The following SHB variants were observed in gnomAD, a reference collection of about 807,000 sequenced individuals.
The protein encoded by SHB is SH2 domain containing adaptor protein B.
Under a neutral mutation model 52.3 loss-of-function variants are expected in SHB, and 20 were observed. The observed-to-expected ratio is 0.38, with a 90% CI of 0.27 to 0.56. The LOEUF (loss-of-function observed/expected upper bound fraction) is 0.56. Ranked by LOEUF, SHB falls within the 20% of genes least tolerant of loss-of-function variation. SHB has a pLI of 0.71. For synonymous variants in SHB, 397 were observed against 316.5 expected (o/e 1.25, Z -2.70); for missense variants, 825 against 723.3 (o/e 1.14, Z -1.61).
At chr9:38,043,675 A>G (rs535153711) in intron 1 of SHB, among the ~76,000 whole-genome samples, 1 of 152,242 alleles carries the variant, frequency 6.6e-6, no homozygotes, top group African/African-American at 2.4e-5. Context: ...GGATCACCTG[A>G]GGTCGGGAGT....
At chr9:38,063,104 G>C (rs1821916264) in intron 1 of SHB, among the ~76,000 whole-genome samples, 2 of 152,218 alleles carry the variant, frequency 1.3e-5, no homozygotes, top group South Asian at 4.1e-4. Context: ...TTGATACGCA[G>C]CATTTCTCTC....
chr9:38,059,116 C>CTGAATGAA (rs530537069), intron 1 of SHB, among the ~76,000 whole-genome samples: 1 of 152,258 alleles, frequency 6.6e-6, no homozygotes, highest in East Asian at 1.9e-4. Flanking sequence ...ACAGTGTCTA[C>CTGAATGAA]TGAATGAATG....
intron 2 of SHB, among the ~76,000 whole-genome samples, chr9:38,011,678 T>C (rs1233421646): frequency 6.6e-6 from 1 of 152,214 alleles, no homozygotes; most frequent in South Asian, 2.1e-4. Flanking sequence ...ATGCTGGCTG[T>C]CTTGCCTCTG....
chr9:37,953,897 T>C (rs1344380184), intron 4 of SHB, among the ~76,000 whole-genome samples: 1 of 151,808 alleles, frequency 6.6e-6, no homozygotes, highest in East Asian at 1.9e-4. Context: ...GATGAGACGA[T>C]GGGGGAGGAA....
chr9:37,958,237 G>A (rs991386817), intron 3 of SHB, among the ~76,000 whole-genome samples: 1 of 152,180 alleles, frequency 6.6e-6, no homozygotes, highest in Non-Finnish European at 1.5e-5. Flanking sequence ...GCCCGCCAGT[G>A]GTCAGATCCA....
At chr9:38,000,770 C>A (rs563353010) in intron 2 of SHB, among the ~76,000 whole-genome samples, 6 of 152,292 alleles carry the variant, frequency 3.9e-5, no homozygotes, top group African/African-American at 1.4e-4. Context: ...CACATAGGAG[C>A]CCCAGAGCCA....
chr9:38,008,502 C>T (rs1821098005), intron 2 of SHB, among the ~76,000 whole-genome samples: 3 of 152,214 alleles, frequency 2.0e-5, no homozygotes, highest in Admixed American at 6.5e-5. Context: ...GCACAGTCTA[C>T]GACCAAGCCT....
intron 5 of SHB, among the ~76,000 whole-genome samples, chr9:37,938,578 G>A (rs1334668364): frequency 6.6e-6 from 1 of 152,238 alleles, no homozygotes; most frequent in Non-Finnish European, 1.5e-5. Flanking sequence ...GGAGACAGAC[G>A]GGCAGTTGGA....
intron 1 of SHB, among the ~76,000 whole-genome samples, chr9:38,036,808 A>G (rs937382380): frequency 2.0e-5 from 3 of 152,166 alleles, no homozygotes; most frequent in Non-Finnish European, 4.4e-5. Flanking sequence ...TTTTAATACA[A>G]CATCCCTATG....
chr9:37,992,919 C>T (rs1472051601), intron 2 of SHB, among the ~76,000 whole-genome samples: 1 of 152,108 alleles, frequency 6.6e-6, no homozygotes. Context: ...TCTAGGCCCT[C>T]TAGGAGCCTG....
intron 1 of SHB, among the ~76,000 whole-genome samples, chr9:38,066,602 C>T (rs1206873627): frequency 1.3e-5 from 2 of 152,130 alleles, no homozygotes; most frequent in African/African-American, 2.4e-5. Flanking sequence ...TCCAAGCTTC[C>T]GAGGGGTGCC....
At chr9:37,989,896 A>G (rs2243893) in intron 2 of SHB, among the ~76,000 whole-genome samples, 86,991 of 152,070 alleles carry the variant, frequency 0.57, 25,273 homozygotes, top group East Asian at 0.74. Context: ...CCTCTCAGGC[A>G]GCTCTTTCCT....
At chr9:37,962,621 C>T (rs933629019) in intron 3 of SHB, among the ~76,000 whole-genome samples, 10 of 151,944 alleles carry the variant, frequency 6.6e-5, no homozygotes, top group Non-Finnish European at 1.3e-4. Flanking sequence ...ATCCTCCTAC[C>T]TCAGCCTCCC....
intron 2 of SHB, among the ~76,000 whole-genome samples, chr9:37,977,609 T>C (rs776115675): frequency 2.0e-4 from 30 of 152,230 alleles, no homozygotes; most frequent in Admixed American, 4.6e-4. Flanking sequence ...TAGGACTTTG[T>C]CACTTTACGG....
At chr9:37,951,928 C>T (rs1315293944) in intron 4 of SHB, among the ~76,000 whole-genome samples, 1 of 152,188 alleles carries the variant, frequency 6.6e-6, no homozygotes, top group Non-Finnish European at 1.5e-5. Context: ...ACTGTTGGGC[C>T]CACGTAGGCC....
intron 2 of SHB, among the ~76,000 whole-genome samples, chr9:37,999,191 G>C (rs1820983516): frequency 6.6e-6 from 1 of 152,058 alleles, no homozygotes; most frequent in Non-Finnish European, 1.5e-5. Flanking sequence ...GGAGATCTCT[G>C]AGCAGGAAAG....
Position 38,064,459 on chromosome 9 carries a change from G to A in SHB, c.717+3470C>T, listed in dbSNP as rs149080785. On this transcript the variant is annotated intron_variant, in intron 1 of 5. Coordinates refer to ENST00000377707, the MANE Select transcript of SHB (RefSeq NM_003028.3). Reference sequence around the variant, plus strand: ...TGAGATTTTATACACATACACACACGTCTATGTTCACACACATGTATACAC... The same window carrying A: ...TGAGATTTTATACACATACACACACATCTATGTTCACACACATGTATACAC... Among the ~76,000 whole-genome samples, 681 of 152,132 alleles carry A rather than the reference G, an allele frequency of 4.5e-3. 6 individuals carry two copies. Among genetic ancestry groups the A allele is most frequent in the African/African-American group, 0.016 (644 of 41,518 alleles).
At chr9:38,011,031 T>C (rs575042724) in intron 2 of SHB, among the ~76,000 whole-genome samples, 1 of 152,322 alleles carries the variant, frequency 6.6e-6, no homozygotes, top group African/African-American at 2.4e-5. Context: ...CAGGCCCTAT[T>C]TTACCATGAC....
At chr9:38,040,582 G>A (rs1821562624) in intron 1 of SHB, among the ~76,000 whole-genome samples, 1 of 152,202 alleles carries the variant, frequency 6.6e-6, no homozygotes, top group Non-Finnish European at 1.5e-5. Context: ...CAGGCAGACA[G>A]GCAGGTAGTG....
Sources: allele counts gnomAD v4.1 joint callset (sites outside exome capture counted in the v4.1 genomes callset), GRCh38; gene constraint gnomAD v4.1.1; transcripts MANE v1.5; gene names NCBI Gene and HGNC (gene_info 2026-07-23, HGNC 2026-07-21).